The following XKRX variants were observed in gnomAD, a reference collection of about 807,000 sequenced individuals.
XKRX encodes the protein XK-related protein 2.
A neutral mutation model predicts 22.4 loss-of-function variants in XKRX; 11 were observed. The observed-to-expected ratio is 0.49, with a 90% CI of 0.31 to 0.81. XKRX has a LOEUF of 0.81. Among genes scored for constraint, XKRX ranks in the 40% least tolerant of loss-of-function variants. XKRX has a pLI of 0.05. For synonymous variants in XKRX, 114 were observed against 132.2 expected (o/e 0.86, Z 0.94); for missense variants, 320 against 336.5 (o/e 0.95, Z 0.38).
Position 100,923,109 on chromosome X carries a change from G to A in XKRX, c.336-48C>T, listed in dbSNP as rs1351453834. On this transcript the variant is annotated intron_variant, in intron 1 of 2. Transcript: ENST00000372956. Reference sequence around the variant, plus strand: ...AAACTTAACTAAGCTGTCCTGGGAAGGGAGGTTGTAGTGAGGGAAAAAAAT... The same window carrying A: ...AAACTTAACTAAGCTGTCCTGGGAAAGGAGGTTGTAGTGAGGGAAAAAAAT... 12 of 1,191,251 alleles carry A rather than the reference G, an allele frequency of 1.0e-5. No individual in the cohort carries two copies. The South Asian group carries it at 1.1e-4, about 11-fold the overall frequency.
At chrX:100,917,299 T>G (rs779983986) in intron 2 of XKRX, among the ~76,000 whole-genome samples, 1 of 108,736 alleles carries the variant, frequency 9.2e-6, no homozygotes, top group Admixed American at 1.0e-4. Flanking sequence ...AGAAAAAAAA[T>G]AAAAAATAAA....
At chrX:100,927,814 G>GT (rs1321500452) in intron 1 of XKRX, among the ~76,000 whole-genome samples, 156 bp downstream of exon 1, 5 of 111,384 alleles carry the variant, frequency 4.5e-5, no homozygotes, top group African/African-American at 1.6e-4. Flanking sequence ...AAGATTTCAG[G>GT]TAAGTTTTCT....
At chrX:100,949,232 T>C in the XKRX span, among the ~76,000 whole-genome samples, 1 of 111,557 alleles carries the variant, frequency 9.0e-6, no homozygotes, top group Non-Finnish European at 1.9e-5. Flanking sequence ...TGGGGCAAGG[T>C]GCTTCACTTT....
chrX:100,951,493 A>G, the XKRX span, among the ~76,000 whole-genome samples: 2 of 109,826 alleles, frequency 1.8e-5, no homozygotes, highest in African/African-American at 6.6e-5. Flanking sequence ...ACACTCAAAC[A>G]AATAATCTAA....
chrX:100,927,151 C>A (rs1190945405), intron 1 of XKRX, among the ~76,000 whole-genome samples: 1 of 110,383 alleles, frequency 9.1e-6, no homozygotes, highest in Non-Finnish European at 1.9e-5. Flanking sequence ...TGAGCCCAGT[C>A]TACATAACGA....
downstream of XKRX, among the ~76,000 whole-genome samples, chrX:100,912,526 G>A (rs1405155296): frequency 8.9e-6 from 1 of 112,294 alleles, no homozygotes; most frequent in Non-Finnish European, 1.9e-5. Context: ...TTGGATAAGA[G>A]GAGAGGAAAT....
chrX:100,928,394 G>A lies in XKRX; in HGVS notation c.-90C>T. The A allele has an allele frequency of 2.6e-6, 3 of 1,151,253 alleles. No homozygotes were observed. Among genetic ancestry groups the A allele is most frequent in the Non-Finnish European group, 3.5e-6 (3 of 868,356 alleles). The allele number at this position is 1,151,253 out of a possible 1,213,427, so 94.9% of individuals were successfully genotyped here. ...GAACCCTATGGCCGCTACAGTCCAA[G>A]TATAGGTGAGGAGAGCTCTGTCAAG... On this transcript the variant is annotated 5_prime_UTR_variant, in exon 1 of 3. Coordinates refer to ENST00000372956, the MANE Select transcript of XKRX (RefSeq NM_212559.3).
rs2085419365 is a variant in XKRX at position 100,914,198 on chromosome X, C to T, written c.*140G>A. ...GAAAATAAAACCTATTTGGGAGTTG[C>T]TCTTTCTTCTGATAGGCTTAACAGA... On this transcript the variant is annotated 3_prime_UTR_variant, in exon 3 of 3. Transcript: ENST00000372956. 3 of 721,756 alleles carry T rather than the reference C, an allele frequency of 4.2e-6. No homozygotes were observed. Among genetic ancestry groups the T allele is most frequent in the South Asian group, 5.7e-5 (2 of 34,977 alleles). 59.5% of individuals were successfully genotyped at this position (721,756 alleles called of 1,213,427 possible). A position where few individuals can be genotyped will look rare whatever the true frequency, so the allele number is the denominator to read the frequency against.
the XKRX span, among the ~76,000 whole-genome samples, chrX:100,905,714 G>A: frequency 8.9e-6 from 1 of 112,054 alleles, no homozygotes; most frequent in Non-Finnish European, 1.9e-5. Flanking sequence ...CATACAAATA[G>A]AGAATTCATA....
the XKRX span, among the ~76,000 whole-genome samples, chrX:100,893,025 GACA>G: frequency 1.8e-5 from 2 of 112,105 alleles, no homozygotes; most frequent in African/African-American, 6.5e-5. Flanking sequence ...TTTCATTTGT[GACA>G]ACATGGACAA....
At chrX:100,902,811 C>T in the XKRX span, among the ~76,000 whole-genome samples, 40 of 108,911 alleles carry the variant, frequency 3.7e-4, no homozygotes, top group Non-Finnish European at 5.3e-4. Flanking sequence ...AGTGCAGTGG[C>T]GTGATCTCGT....
the XKRX span, among the ~76,000 whole-genome samples, chrX:100,901,041 T>C: frequency 6.4e-4 from 71 of 110,976 alleles, no homozygotes; most frequent in East Asian, 2.6e-3. Context: ...CTGCCCGCCT[T>C]GGCCTCCCAA....
At chrX:100,941,463 C>T in the XKRX span, among the ~76,000 whole-genome samples, 1 of 111,271 alleles carries the variant, frequency 9.0e-6, no homozygotes, top group Non-Finnish European at 1.9e-5. Context: ...GCAGGAGAAT[C>T]GTTTGAACCC....
At chrX:100,957,398 C>G in the XKRX span, 7 of 1,205,177 alleles carry the variant, frequency 5.8e-6, no homozygotes, top group South Asian at 8.8e-5. Context: ...AGCTGACCCC[C>G]GAGCAGTACC....
At chrX:100,894,043 C>T in the XKRX span, among the ~76,000 whole-genome samples, 6 of 110,759 alleles carry the variant, frequency 5.4e-5, no homozygotes, top group African/African-American at 1.4e-4. Context: ...CCGAGGCAGG[C>T]GGATCACAAG....
the XKRX span, among the ~76,000 whole-genome samples, chrX:100,897,687 C>T: frequency 2.3e-5 from 1 of 43,054 alleles, no homozygotes; most frequent in Non-Finnish European, 4.0e-5. Flanking sequence ...GACAACTCAA[C>T]AGCAAAAAAA....
chrX:100,946,283 C>T, the XKRX span, among the ~76,000 whole-genome samples: 14 of 111,032 alleles, frequency 1.3e-4, no homozygotes, highest in African/African-American at 4.6e-4. Context: ...TCACTCTCAA[C>T]ACATCTATAC....
chrX:100,896,508 A>C, the XKRX span, among the ~76,000 whole-genome samples: 1 of 112,194 alleles, frequency 8.9e-6, no homozygotes, highest in Non-Finnish European at 1.9e-5. Context: ...GTGTGGTTAT[A>C]CATATATTTG....
chrX:100,935,409 A>G, the XKRX span, among the ~76,000 whole-genome samples: 1 of 111,151 alleles, frequency 9.0e-6, no homozygotes, highest in Non-Finnish European at 1.9e-5. Context: ...AGCTACGAAA[A>G]TGTGCCTTTC....
Sources: gnomAD v4.1 joint callset for allele counts (sites outside exome capture counted in the v4.1 genomes callset) on GRCh38, gnomAD v4.1.1 for gene constraint, MANE v1.5 for transcripts, NCBI Gene and HGNC (gene_info 2026-07-23, HGNC 2026-07-21) for gene names.